Variants in CNTNAP2 observed in about 807,000 individuals in gnomAD.
The protein encoded by CNTNAP2 is contactin associated protein 2.
In CNTNAP2, 98 loss-of-function variants were observed where a neutral mutation model predicts 155.2. That is an observed-to-expected ratio of 0.63 (90% CI 0.54 to 0.75). The LOEUF is 0.75. Among genes scored for constraint, CNTNAP2 ranks in the 30% least tolerant of loss-of-function variants. The pLI is 0.00. For synonymous variants in CNTNAP2, 651 were observed against 631.2 expected (o/e 1.03, Z -0.47); for missense variants, 1,727 against 1,688.1 (o/e 1.02, Z -0.40).
chr7:146,160,212 T>C (rs941718519), intron 1 of CNTNAP2, among the ~76,000 whole-genome samples: 23 of 152,162 alleles, frequency 1.5e-4, no homozygotes, highest in Non-Finnish European at 3.1e-4. Context: ...GGGAAATTTA[T>C]AGTACTAAGT....
intron 15 of CNTNAP2, among the ~76,000 whole-genome samples, chr7:148,117,761 C>G (rs1308957050): frequency 6.6e-6 from 1 of 151,684 alleles, no homozygotes; most frequent in African/African-American, 2.4e-5. Flanking sequence ...GTAGGAACCC[C>G]AACTATATCA....
chr7:147,275,427 G>T (rs1369270576), intron 8 of CNTNAP2, among the ~76,000 whole-genome samples: 1 of 151,836 alleles, frequency 6.6e-6, no homozygotes. Context: ...GTGTGTGTGT[G>T]TGTGTGTGTG....
intron 1 of CNTNAP2, among the ~76,000 whole-genome samples, chr7:146,466,265 G>C (rs573450862): frequency 1.3e-5 from 2 of 152,292 alleles, no homozygotes; most frequent in African/African-American, 4.8e-5. Flanking sequence ...TGAGAGGTGA[G>C]AATTCTGACT....
chr7:146,310,423 T>C (rs925172038), intron 1 of CNTNAP2, among the ~76,000 whole-genome samples: 2 of 152,174 alleles, frequency 1.3e-5, no homozygotes, highest in African/African-American at 2.4e-5. Context: ...AAGGAGTAGA[T>C]ACTATTGCAT....
chr7:147,902,532 T>C (rs550720737), intron 13 of CNTNAP2, among the ~76,000 whole-genome samples: 118 of 152,192 alleles, frequency 7.8e-4, no homozygotes, highest in Admixed American at 1.4e-3. Flanking sequence ...CTGAATCCAA[T>C]TTGTCATCTT....
At chr7:147,542,322 A>T (rs1799655843) in intron 11 of CNTNAP2, among the ~76,000 whole-genome samples, 2 of 152,070 alleles carry the variant, frequency 1.3e-5, no homozygotes. Context: ...AAGCTCCAAA[A>T]AAAAAGCAAA....
In CNTNAP2 at chr7:147,175,037, A is replaced by G. The variant is rs1032676309; in HGVS notation, c.1348+42528A>G. Among the ~76,000 whole-genome samples, 2 of 152,190 alleles carry G rather than the reference A, an allele frequency of 1.3e-5. 1 individual carries two copies. The highest frequency in any genetic ancestry group is 1.3e-4 in the Admixed American group (2 of 15,280). On this transcript the variant is annotated intron_variant, in intron 8 of 23. Transcript: ENST00000361727. ...TTATTAATGGGGTAAATTTCACTATATAGAGAAAAAAGACAGATAAAAACA... is the reference window on the plus strand; with the variant it reads ...TTATTAATGGGGTAAATTTCACTATGTAGAGAAAAAAGACAGATAAAAACA...
At chr7:147,713,310 T>C (rs1446132316) in intron 13 of CNTNAP2, among the ~76,000 whole-genome samples, 1 of 152,158 alleles carries the variant, frequency 6.6e-6, no homozygotes, top group African/African-American at 2.4e-5. Context: ...ATATTTTCCT[T>C]GTGACTTTGT....
intron 13 of CNTNAP2, among the ~76,000 whole-genome samples, chr7:147,661,438 A>G (rs1045825225): frequency 2.6e-5 from 4 of 152,126 alleles, no homozygotes; most frequent in Non-Finnish European, 4.4e-5. Flanking sequence ...GGGTAGTACA[A>G]TTTAGTAGTG....
At chr7:147,014,835 T>G (rs944197014) in intron 3 of CNTNAP2, among the ~76,000 whole-genome samples, 1 of 152,180 alleles carries the variant, frequency 6.6e-6, no homozygotes, top group Non-Finnish European at 1.5e-5. Flanking sequence ...TGGAGATTCT[T>G]CAGCTCTTTG....
intron 1 of CNTNAP2, among the ~76,000 whole-genome samples, chr7:146,322,634 C>T (rs373224824): frequency 8.0e-4 from 52 of 64,956 alleles, no homozygotes; most frequent in Admixed American, 1.6e-3. Context: ...TGTTCATTCT[C>T]TTTTTTTTTT....
Position 147,554,373 on chromosome 7 carries a change from A to AT in CNTNAP2, c.1778-7754dup, listed in dbSNP as rs58354911. Among the ~76,000 whole-genome samples, 1,036 of 148,370 alleles carry AT rather than the reference A, an allele frequency of 7.0e-3. 10 individuals are homozygous for AT. The highest frequency in any genetic ancestry group is 0.024 in the African/African-American group (970 of 40,688). Reference sequence around the variant, plus strand: ...GACTGGCATTGCAATAGTATGGATTATTTTTTTTTTTCTTTGAAACAGTGC... The same window carrying AT: ...GACTGGCATTGCAATAGTATGGATTATTTTTTTTTTTTCTTTGAAACAGTGC... On this transcript the variant is annotated intron_variant, in intron 11 of 23. Coordinates refer to ENST00000361727, the MANE Select transcript of CNTNAP2 (RefSeq NM_014141.6).
At chr7:147,053,680 T>G (rs1799511142) in intron 4 of CNTNAP2, among the ~76,000 whole-genome samples, 1 of 152,110 alleles carries the variant, frequency 6.6e-6, no homozygotes, top group African/African-American at 2.4e-5. Flanking sequence ...AACAGTATAC[T>G]TTCTAGAATA....
intron 1 of CNTNAP2, among the ~76,000 whole-genome samples, chr7:146,626,913 C>A (rs1799429424): frequency 6.6e-6 from 1 of 152,062 alleles, no homozygotes; most frequent in African/African-American, 2.4e-5. Context: ...TGGGTCATCT[C>A]TAATATAACA....
chr7:147,838,561 T>G (rs1201809747), intron 13 of CNTNAP2, among the ~76,000 whole-genome samples: 3 of 152,194 alleles, frequency 2.0e-5, no homozygotes, highest in Admixed American at 6.5e-5. Flanking sequence ...CTCTCTCAAG[T>G]TCAAAGTTCC....
chr7:146,956,635 C>T (rs1797443809), intron 3 of CNTNAP2, among the ~76,000 whole-genome samples: 1 of 152,080 alleles, frequency 6.6e-6, no homozygotes. Context: ...AATGTATTTC[C>T]TACTCAGGAC....
At chr7:146,375,234 C>T (rs1795289302) in intron 1 of CNTNAP2, among the ~76,000 whole-genome samples, 1 of 152,240 alleles carries the variant, frequency 6.6e-6, no homozygotes, top group African/African-American at 2.4e-5. Context: ...CTTTTACTTT[C>T]CTGGTTGAAA....
intron 1 of CNTNAP2, among the ~76,000 whole-genome samples, chr7:146,717,611 G>A (rs377044781): frequency 5.3e-5 from 8 of 151,662 alleles, no homozygotes; most frequent in African/African-American, 1.9e-4. Context: ...CACTGCCATT[G>A]GTCATCCATG....
chr7:146,416,209 GT>G (rs1795936266), intron 1 of CNTNAP2, among the ~76,000 whole-genome samples: 1 of 151,160 alleles, frequency 6.6e-6, no homozygotes, highest in South Asian at 2.1e-4. Context: ...TTCAAAATTT[GT>G]TAATGTTATT....
Sources: allele counts gnomAD v4.1 joint callset (sites outside exome capture counted in the v4.1 genomes callset), GRCh38; gene constraint gnomAD v4.1.1; transcripts MANE v1.5; gene names NCBI Gene and HGNC (gene_info 2026-07-23, HGNC 2026-07-21).